The following ADCY5 variants were observed in gnomAD, a reference collection of about 807,000 sequenced individuals.
ADCY5 encodes the protein adenylate cyclase type 5.
A neutral mutation model predicts 119.7 loss-of-function variants in ADCY5; 30 were observed. That is an observed-to-expected ratio of 0.25 (90% confidence interval 0.19 to 0.34). The LOEUF (loss-of-function observed/expected upper bound fraction) is 0.34. ADCY5 is among the 10% of genes least tolerant of loss of function. The probability of loss-of-function intolerance (pLI) is 1.00; values close to 1 mark genes in which losing one functional copy is unlikely to be tolerated. For synonymous variants in ADCY5, 753 were observed against 762.2 expected, an observed-to-expected ratio of 0.99 and a Z score of 0.20; for missense variants, 1,324 against 1,775.2, an observed-to-expected ratio of 0.75 and a Z score of 4.57.
intron 20 of ADCY5, among the ~76,000 whole-genome samples, chr3:123,284,988 G>C (rs985881036): frequency 6.6e-6 from 1 of 152,224 alleles, no homozygotes; most frequent in Non-Finnish European, 1.5e-5. Flanking sequence ...CGGGCAGCTT[G>C]CGTGTGCTGT....
intron 8 of ADCY5, among the ~76,000 whole-genome samples, chr3:123,322,205 T>C (rs1205853003): frequency 2.0e-5 from 3 of 152,136 alleles, no homozygotes; most frequent in Non-Finnish European, 4.4e-5. Flanking sequence ...CTGCGAGGGG[T>C]TGGCCCACTC....
At chr3:123,441,943 C>A (rs969941870) in intron 1 of ADCY5, among the ~76,000 whole-genome samples, 4 of 145,824 alleles carry the variant, frequency 2.7e-5, no homozygotes, top group African/African-American at 1.0e-4. Flanking sequence ...AAAGAGAGAT[C>A]TTCCCTGTCC....
At chr3:123,438,285 A>C (rs543642383) in intron 1 of ADCY5, among the ~76,000 whole-genome samples, 2 of 152,174 alleles carry the variant, frequency 1.3e-5, no homozygotes, top group African/African-American at 2.4e-5. Context: ...TACCCATTAC[A>C]TATTAAAAGC....
chr3:123,366,633 A>G (rs929001962), intron 1 of ADCY5, among the ~76,000 whole-genome samples: 2 of 152,160 alleles, frequency 1.3e-5, no homozygotes, highest in African/African-American at 2.4e-5. Context: ...ACACACCACG[A>G]AACTTGGGGC....
chr3:123,446,875 G>C (rs1423390589), intron 1 of ADCY5, among the ~76,000 whole-genome samples: 1 of 152,214 alleles, frequency 6.6e-6, no homozygotes, highest in Non-Finnish European at 1.5e-5. Flanking sequence ...CCTTCTGCAA[G>C]TTCAGGGATA....
At chr3:123,436,244 G>A (rs1190743042) in intron 1 of ADCY5, among the ~76,000 whole-genome samples, 1 of 151,890 alleles carries the variant, frequency 6.6e-6, no homozygotes, top group Non-Finnish European at 1.5e-5. Flanking sequence ...ATGGTGTTGT[G>A]CACCTGTAGT....
intron 1 of ADCY5, among the ~76,000 whole-genome samples, chr3:123,391,710 T>C (rs1436773296): frequency 1.3e-5 from 2 of 152,092 alleles, no homozygotes; most frequent in African/African-American, 4.8e-5. Flanking sequence ...TAGGTCAGAG[T>C]AGTAACACAG....
intron 19 of ADCY5, among the ~76,000 whole-genome samples, 194 bp downstream of exon 19, chr3:123,289,556 C>T (rs1429904025): frequency 1.3e-5 from 2 of 152,238 alleles, no homozygotes; most frequent in East Asian, 1.9e-4. Flanking sequence ...AGGCTCTGGG[C>T]GGATTCCGCT....
chr3:123,395,839 C>T (rs1335747144), intron 1 of ADCY5, among the ~76,000 whole-genome samples: 4 of 150,918 alleles, frequency 2.7e-5, no homozygotes, highest in Non-Finnish European at 5.9e-5. Context: ...GCCATGATTT[C>T]ACCCCTGCAC....
Position 123,400,036 on chromosome 3 carries a change from C to T in ADCY5, c.1134+47376G>A, listed in dbSNP as rs555108822. ...TAAGCACAATGAACATGGGTTCAGACGCAGCAGTTACATGTTCTCTTGCCC... is the reference window on the plus strand; with the variant it reads ...TAAGCACAATGAACATGGGTTCAGATGCAGCAGTTACATGTTCTCTTGCCC... On this transcript the variant is annotated intron_variant, in intron 1 of 20. Coordinates refer to ENST00000462833, the MANE Select transcript of ADCY5 (RefSeq NM_183357.3). 5.3e-5 allele frequency among the ~76,000 whole-genome samples: 8 copies of T among 152,266 alleles called. No homozygotes were observed. In the East Asian group the frequency reaches 5.8e-4, roughly 11 times the overall value.
intron 1 of ADCY5, among the ~76,000 whole-genome samples, chr3:123,362,396 A>G (rs1307476374): frequency 6.6e-6 from 1 of 152,186 alleles, no homozygotes; most frequent in East Asian, 1.9e-4. Context: ...AATGCCCTTA[A>G]ATTTGTAAAG....
intron 8 of ADCY5, among the ~76,000 whole-genome samples, chr3:123,323,548 C>A (rs1258944726): frequency 6.6e-6 from 1 of 152,230 alleles, no homozygotes; most frequent in East Asian, 1.9e-4. Context: ...ATCTCCCTGC[C>A]CTACTCCCCA....
At position 123,325,367 on chromosome 3, in the gene ADCY5, G is replaced by A. The variant is rs1941429066; in HGVS notation, c.2043C>T (p.Tyr681=). Residue 681 remains tyrosine (Y), a synonymous_variant, in exon 8 of 21, where the codon TAC becomes TAT. Transcript: ENST00000462833. ...ACACCTGGTTGCCACCCAGGTGGTT[G>A]TAGAAGGGGCGCTCAGCCCCCCAGT... ...PPHWGAERPF[Y]NHLGGNQVSK... The A allele has an allele frequency of 1.9e-6, 3 of 1,614,032 alleles. No homozygotes were observed. The highest frequency in any genetic ancestry group is 1.3e-5 in the African/African-American group (1 of 74,930).
At chr3:123,330,696 G>A (rs1941719563) in intron 5 of ADCY5, among the ~76,000 whole-genome samples, 193 bp downstream of exon 5, 1 of 152,230 alleles carries the variant, frequency 6.6e-6, no homozygotes, top group South Asian at 2.1e-4. Context: ...GGCTGCTGTA[G>A]GGAACAGGAA....
chr3:123,301,685 C>T (rs1559788025), intron 14 of ADCY5, among the ~76,000 whole-genome samples: 1 of 152,218 alleles, frequency 6.6e-6, no homozygotes, highest in Non-Finnish European at 1.5e-5. Context: ...GCCACCCTCT[C>T]CCCCCAGGCC....
chr3:123,432,164 T>C (rs1945535513), intron 1 of ADCY5, among the ~76,000 whole-genome samples: 1 of 152,196 alleles, frequency 6.6e-6, no homozygotes, highest in Non-Finnish European at 1.5e-5. Context: ...GGCAATAAAC[T>C]ACAAGGAAGT....
intron 1 of ADCY5, among the ~76,000 whole-genome samples, chr3:123,435,302 C>T (rs952059729): frequency 6.6e-6 from 1 of 152,098 alleles, no homozygotes; most frequent in African/African-American, 2.4e-5. Flanking sequence ...TAAATAAATA[C>T]GTAAGGCAGC....
At position 123,300,254 on chromosome 3, in the gene ADCY5, G is replaced by A. The variant is rs1158175611; in HGVS notation, c.2766C>T (p.Ser922=). 5.6e-6 allele frequency: 9 copies of A among 1,613,634 alleles called. No homozygotes were observed. Among genetic ancestry groups the A allele is most frequent in the Middle Eastern group, 1.6e-4 (1 of 6,062 alleles). The change falls in exon 15 of 21, where the codon TCC becomes TCT. Residue 922 remains serine (S), a synonymous_variant. Coordinates refer to ENST00000462833, the MANE Select transcript of ADCY5 (RefSeq NM_183357.3). ...YSVLLSLLAC[S]VFLQISCIGK... is the part of the protein sequence containing the mutation. ...CGATGCAGCTGATCTGCAGGAACAC[G>A]GAGCAGGCCAGCAGGCTGAGCAGCA... is the stretch of plus-strand genomic sequence containing the variant.
At chr3:123,411,391 G>A (rs778630029) in intron 1 of ADCY5, among the ~76,000 whole-genome samples, 3 of 152,170 alleles carry the variant, frequency 2.0e-5, no homozygotes, top group East Asian at 1.9e-4. Context: ...AGGCCTCACC[G>A]ATCACTGACT....
Sources: allele counts gnomAD v4.1 joint callset (sites outside exome capture counted in the v4.1 genomes callset), GRCh38; gene constraint gnomAD v4.1.1; transcripts MANE v1.5; gene names NCBI Gene and HGNC (gene_info 2026-07-23, HGNC 2026-07-21).